The following ATE1 variants were observed in gnomAD, a reference collection of about 807,000 sequenced individuals.
The protein encoded by ATE1 is arginyltransferase 1.
In ATE1, 36 loss-of-function variants were observed where a neutral mutation model predicts 70.5. The observed-to-expected ratio is 0.51, with a 90% CI of 0.39 to 0.67. The LOEUF is 0.67. Ranked by LOEUF, ATE1 falls within the 30% of genes least tolerant of loss-of-function variation. The probability of loss-of-function intolerance (pLI) is 0.00; values close to 1 mark genes in which losing one functional copy is unlikely to be tolerated. For missense variants in ATE1, 593 were observed against 629.5 expected (o/e 0.94, Z 0.62); for synonymous variants, 232 against 219.3 (o/e 1.06, Z -0.51).
intron 10 of ATE1, among the ~76,000 whole-genome samples, chr10:121,791,096 A>T (rs12262870): frequency 7.5e-4 from 71 of 94,410 alleles, no homozygotes; most frequent in South Asian, 2.1e-3. Flanking sequence ...GTGTATATAT[A>T]TTTTTTTTTT....
At chr10:121,876,547 C>T (rs1377077293) in intron 7 of ATE1, among the ~76,000 whole-genome samples, 5 of 152,168 alleles carry the variant, frequency 3.3e-5, no homozygotes, top group African/African-American at 1.2e-4. Flanking sequence ...TTATTTACTA[C>T]CTTCAAGCCT....
intron 11 of ATE1, among the ~76,000 whole-genome samples, chr10:121,760,897 T>C (rs1945011971): frequency 1.3e-5 from 2 of 152,194 alleles, no homozygotes; most frequent in South Asian, 4.1e-4. Flanking sequence ...ATAATTCATA[T>C]GTTTGTCCTC....
intron 7 of ATE1, among the ~76,000 whole-genome samples, chr10:121,892,188 TAGGCCAAG>T (rs1950602215): frequency 6.6e-6 from 1 of 152,170 alleles, no homozygotes; most frequent in Non-Finnish European, 1.5e-5. Flanking sequence ...TCTCTATCTG[TAGGCCAAG>T]GGTTTGCCAA....
chr10:121,837,260 G>A (rs1236819699), intron 9 of ATE1, among the ~76,000 whole-genome samples: 1 of 152,186 alleles, frequency 6.6e-6, no homozygotes. Context: ...ACTTTCAGCT[G>A]CATATGACAT....
intron 10 of ATE1, among the ~76,000 whole-genome samples, chr10:121,800,152 G>C (rs1946819774): frequency 6.6e-6 from 1 of 152,148 alleles, no homozygotes; most frequent in South Asian, 2.1e-4. Flanking sequence ...TGACATGTAA[G>C]AATTCTCTTT....
chr10:121,793,112 C>A (rs541148704), intron 10 of ATE1, among the ~76,000 whole-genome samples: 1 of 152,248 alleles, frequency 6.6e-6, no homozygotes, highest in Non-Finnish European at 1.5e-5. Context: ...AGGCAAATCA[C>A]TTAAGCACTT....
chr10:121,823,289 CA>C (rs1182981163), intron 10 of ATE1, among the ~76,000 whole-genome samples: 2 of 148,496 alleles, frequency 1.3e-5, no homozygotes, highest in Non-Finnish European at 3.0e-5. Context: ...GACTTCCTCT[CA>C]AAAAAAAACA....
At chr10:121,856,255 C>A (rs555454891) in intron 8 of ATE1, among the ~76,000 whole-genome samples, 1 of 151,330 alleles carries the variant, frequency 6.6e-6, no homozygotes, top group Non-Finnish European at 1.5e-5. Context: ...CCTGGCCGGG[C>A]GCAGTGGCTT....
intron 3 of ATE1, among the ~76,000 whole-genome samples, chr10:121,917,691 C>T (rs1056203017): frequency 6.6e-6 from 1 of 151,738 alleles, no homozygotes; most frequent in African/African-American, 2.4e-5. Flanking sequence ...TGCTTAAAGA[C>T]AGGGAGATGA....
At position 121,861,867 on chromosome 10, in the gene ATE1, ACTC is replaced by A. The variant is rs1949486943; in HGVS notation, c.975+8136_975+8138del. Among the ~76,000 whole-genome samples the A allele has an allele frequency of 3.3e-5, 5 of 152,194 alleles. No homozygotes were observed. In the South Asian group the frequency reaches 8.3e-4, roughly 25 times the overall value. On this transcript the variant is annotated intron_variant, in intron 8 of 11. Coordinates refer to ENST00000224652, the MANE Select transcript of ATE1 (RefSeq NM_001001976.3). ...TGACTAGGGTTAACAACAACAATGT[ACTC>A]CTATTTTCTGCTTTTGCCCAAATGA...
chr10:121,902,528 C>T lies in ATE1; in HGVS notation c.676G>A (p.Ala226Thr). The T allele has an allele frequency of 1.9e-6, 3 of 1,614,184 alleles. No individual in the cohort carries two copies. The highest frequency in any genetic ancestry group is 2.5e-6 in the Non-Finnish European group (3 of 1,180,038). ...GCCTGGAAACCCTCAAGTTCTCCAG[C>T]TGGGTTCTGCTGCATTAGTTTTAAC... ...KRLKLMQQNPAGELEGFQAQG... is the reference protein window; with the variant it reads ...KRLKLMQQNPTGELEGFQAQG... The change falls in exon 6 of 12, where the codon GCT (alanine) becomes ACT (threonine). Residue 226 changes from alanine (A) to threonine (T), a missense_variant. Ala to Thr is a moderately conservative substitution (Grantham distance 58, BLOSUM62 0). Coordinates refer to ENST00000224652, the MANE Select transcript of ATE1 (RefSeq NM_001001976.3).
At chr10:121,817,475 C>T (rs1355997681) in intron 10 of ATE1, among the ~76,000 whole-genome samples, 1 of 151,338 alleles carries the variant, frequency 6.6e-6, no homozygotes, top group Non-Finnish European at 1.5e-5. Flanking sequence ...GTAGGCGGAG[C>T]TTGCAGTGAG....
At chr10:121,882,445 C>T (rs1370808331) in intron 7 of ATE1, among the ~76,000 whole-genome samples, 2 of 152,190 alleles carry the variant, frequency 1.3e-5, no homozygotes, top group Non-Finnish European at 2.9e-5. Context: ...TTTGGCCAAG[C>T]ACCTTTACAA....
At chr10:121,861,897 C>A (rs1300772748) in intron 8 of ATE1, among the ~76,000 whole-genome samples, 1 of 152,186 alleles carries the variant, frequency 6.6e-6, no homozygotes, top group Non-Finnish European at 1.5e-5. Flanking sequence ...CCCAAATGAT[C>A]AAGCCACAGC....
intron 5 of ATE1, among the ~76,000 whole-genome samples, chr10:121,908,738 C>T (rs1348224832): frequency 6.6e-6 from 1 of 152,216 alleles, no homozygotes; most frequent in African/African-American, 2.4e-5. Context: ...AGTGATCTTG[C>T]CCATCCTCAA....
chr10:121,892,523 A>G (rs1294527637), intron 7 of ATE1, among the ~76,000 whole-genome samples: 1 of 141,120 alleles, frequency 7.1e-6, no homozygotes, highest in Non-Finnish European at 1.5e-5. Context: ...TTTTTTTGAC[A>G]CAGTCTCCCT....
intron 11 of ATE1, among the ~76,000 whole-genome samples, chr10:121,787,238 A>C (rs1310751251): frequency 6.6e-6 from 1 of 152,202 alleles, no homozygotes; most frequent in Non-Finnish European, 1.5e-5. Flanking sequence ...AAAGAGAAAC[A>C]AGATTTAGTG....
chr10:121,811,281 GAGAGGGGGAGAAA>G (rs1222324794), intron 10 of ATE1, among the ~76,000 whole-genome samples: 1 of 152,064 alleles, frequency 6.6e-6, no homozygotes, highest in Non-Finnish European at 1.5e-5. Flanking sequence ...AACAGGGAGA[GAGAGGGGGAGAAA>G]AGAGGGAGAA....
chr10:121,896,128 G>A lies in ATE1; in HGVS notation c.942+3738C>T, dbSNP rs1026400243. Among the ~76,000 whole-genome samples, 3 of 152,188 alleles carry A rather than the reference G, an allele frequency of 2.0e-5. No individual in the cohort carries two copies. The South Asian group carries it at 6.2e-4, about 32-fold the overall frequency. On this transcript the variant is annotated intron_variant, in intron 7 of 11. Coordinates refer to ENST00000224652, the MANE Select transcript of ATE1 (RefSeq NM_001001976.3). ...CTAAGTGCCCAAGTGTCATTTTAAC[G>A]TATTCCTTTACCCCTCATATTTCCT...
Sources: gnomAD v4.1 joint callset for allele counts (sites outside exome capture counted in the v4.1 genomes callset) on GRCh38, gnomAD v4.1.1 for gene constraint, MANE v1.5 for transcripts, NCBI Gene and HGNC (gene_info 2026-07-23, HGNC 2026-07-21) for gene names.